Variants in DPY19L2 observed in about 807,000 individuals in gnomAD.
DPY19L2 encodes the protein dpy-19 like 2, also known as probable C-mannosyltransferase DPY19L2.
DPY19L2 carries 34 observed loss-of-function variants against 97.9 expected under a neutral mutation model. That is an observed-to-expected ratio of 0.35 (90% CI 0.26 to 0.46). The LOEUF (loss-of-function observed/expected upper bound fraction) is 0.46. DPY19L2 is among the 20% of genes least tolerant of loss of function. DPY19L2 has a pLI of 1.00. For missense variants in DPY19L2, 623 were observed against 911.4 expected, an observed-to-expected ratio of 0.68 and a Z score of 4.07; for synonymous variants, 230 against 307.9, an observed-to-expected ratio of 0.75 and a Z score of 2.65.
chr12:63,655,769 C>A (rs1262934871), intron 4 of DPY19L2, among the ~76,000 whole-genome samples: 1 of 152,048 alleles, frequency 6.6e-6, no homozygotes, highest in African/African-American at 2.4e-5. Context: ...ACGCCTTTCT[C>A]TAAGTGGCTC....
intron 16 of DPY19L2, among the ~76,000 whole-genome samples, chr12:63,584,855 T>C (rs1047228799): frequency 6.6e-5 from 10 of 152,236 alleles, no homozygotes; most frequent in Non-Finnish European, 1.3e-4. Context: ...TGCTAAGATC[T>C]ACGGTAAGAA....
intron 6 of DPY19L2, 58 bp downstream of exon 6, chr12:63,644,345 A>T: frequency 1.3e-6 from 2 of 1,553,426 alleles, no homozygotes. Context: ...TAATCAACAA[A>T]TATCAGCCAG....
chr12:63,595,425 G>C (rs971970877), intron 15 of DPY19L2, among the ~76,000 whole-genome samples: 11 of 152,046 alleles, frequency 7.2e-5, no homozygotes, highest in African/African-American at 2.7e-4. Context: ...TTTTCATTGA[G>C]ATGTTCTTTT....
chr12:63,602,339 G>A (rs1885323568), intron 12 of DPY19L2, among the ~76,000 whole-genome samples: 1 of 151,964 alleles, frequency 6.6e-6, no homozygotes, highest in Non-Finnish European at 1.5e-5. Flanking sequence ...TGAAGTAAAG[G>A]CACTAAAACA....
At chr12:63,606,073 T>C (rs1467254234) in intron 12 of DPY19L2, among the ~76,000 whole-genome samples, 1 of 152,178 alleles carries the variant, frequency 6.6e-6, no homozygotes, top group East Asian at 1.9e-4. Context: ...TTTAAAAAAA[T>C]ATGTTTTCTG....
chr12:63,625,052 T>C (rs1889300877), intron 7 of DPY19L2, among the ~76,000 whole-genome samples: 1 of 152,180 alleles, frequency 6.6e-6, no homozygotes, highest in South Asian at 2.1e-4. Flanking sequence ...TTTTTATGAT[T>C]CCTTTATCTA....
At chr12:63,633,867 G>T (rs549486472) in intron 6 of DPY19L2, among the ~76,000 whole-genome samples, 1 of 152,138 alleles carries the variant, frequency 6.6e-6, no homozygotes, top group South Asian at 2.1e-4. Flanking sequence ...TATACACCAT[G>T]GAATACTATG....
At chr12:63,575,392 A>G (rs1433581964) in intron 19 of DPY19L2, among the ~76,000 whole-genome samples, 2 of 151,868 alleles carry the variant, frequency 1.3e-5, no homozygotes, top group East Asian at 3.8e-4. Context: ...TAACAACTCA[A>G]TGATGCTTCT....
chr12:63,664,341 A>G (rs1810060), intron 2 of DPY19L2, among the ~76,000 whole-genome samples: 3 of 145,946 alleles, frequency 2.1e-5, no homozygotes, highest in South Asian at 4.3e-4. Flanking sequence ...TGTCTTAAAA[A>G]AAACAAACAA....
At chr12:63,566,239 C>A (rs939819064) in intron 21 of DPY19L2, among the ~76,000 whole-genome samples, 8 of 151,752 alleles carry the variant, frequency 5.3e-5, no homozygotes, top group Admixed American at 2.6e-4. Flanking sequence ...TTTAAAAAAA[C>A]TTTTTATTTC....
intron 4 of DPY19L2, among the ~76,000 whole-genome samples, chr12:63,648,134 C>G (rs1241475088): frequency 6.6e-6 from 1 of 152,146 alleles, no homozygotes; most frequent in Non-Finnish European, 1.5e-5. Flanking sequence ...TCAGAAGATG[C>G]AACATCAAGG....
chr12:63,576,457 GAGAA>G lies in DPY19L2; in HGVS notation c.1900+4201_1900+4204del, dbSNP rs527819362. On this transcript the variant is annotated intron_variant, in intron 19 of 21. Transcript: ENST00000324472. ...AATCCTAAATAGAGCAATCAGACAAGAGAAAGAAAGAAAGGGCATCCAAATTTGA... is the reference window on the plus strand; with the variant it reads ...AATCCTAAATAGAGCAATCAGACAAGAGAAAGAAAGGGCATCCAAATTTGA... 4.7e-3 allele frequency among the ~76,000 whole-genome samples: 708 copies of G among 151,764 alleles called. 11 individuals are homozygous for G. Among genetic ancestry groups the G allele is most frequent in the African/African-American group, 0.016 (672 of 41,410 alleles).
At chr12:63,653,597 T>G (rs1167225136) in intron 4 of DPY19L2, among the ~76,000 whole-genome samples, 3 of 151,752 alleles carry the variant, frequency 2.0e-5, no homozygotes, top group Admixed American at 6.6e-5. Context: ...GAAAAAGAAA[T>G]AATGACTGGA....
In DPY19L2 at chr12:63,661,422, C is replaced by T. The variant is rs1281870307; in HGVS notation, c.510G>A (p.Leu170=). 5 of 1,602,876 alleles carry T rather than the reference C, an allele frequency of 3.1e-6. No homozygotes were observed. Among genetic ancestry groups the T allele is most frequent in the African/African-American group, 1.3e-5 (1 of 74,288 alleles). ...IIEAPSFLEG[L]WMIMNDRLTE... ...TAAGCCTGTCATTCATAATCATCCA[C>T]AGTCCTTCCAAAAACGAAGGTGCTT... The change falls in exon 4 of 22, where the codon CTG becomes CTA. Residue 170 remains leucine (L), a synonymous_variant. Coordinates refer to ENST00000324472, the MANE Select transcript of DPY19L2 (RefSeq NM_173812.5).
chr12:63,662,374 A>G (rs1392834386), intron 3 of DPY19L2, among the ~76,000 whole-genome samples: 1 of 152,210 alleles, frequency 6.6e-6, no homozygotes, highest in African/African-American at 2.4e-5. Flanking sequence ...ATTACCTCAT[A>G]GTTGATTGGC....
intron 6 of DPY19L2, among the ~76,000 whole-genome samples, chr12:63,638,837 G>A (rs1318288065): frequency 6.6e-6 from 1 of 152,082 alleles, no homozygotes; most frequent in African/African-American, 2.4e-5. Flanking sequence ...TTTCTTCACA[G>A]AATTGGAAAA....
chr12:63,623,890 G>A (rs1431266109), intron 8 of DPY19L2, 150 bp downstream of exon 8: 1 of 533,098 alleles, frequency 1.9e-6, no homozygotes, highest in East Asian at 3.8e-5. Flanking sequence ...TTTTAGTAGA[G>A]ATGTGGTTTC....
At chr12:63,568,073 G>A (rs2659975) in intron 21 of DPY19L2, among the ~76,000 whole-genome samples, 3,498 of 151,684 alleles carry the variant, frequency 0.023, 90 homozygotes, top group African/African-American at 0.058. Context: ...ATATTTTTTC[G>A]GTAATGTTCT....
rs1592344929 is a variant in DPY19L2, at chr12:63,559,542, C to A, written c.*970G>T. 2 of 152,664 alleles carry A rather than the reference C, an allele frequency of 1.3e-5. No homozygotes were observed. Among genetic ancestry groups the A allele is most frequent in the Middle Eastern group, 6.8e-3 (2 of 294 alleles). The allele number at this position is 152,664 out of a possible 1,614,324, so 9.5% of individuals were successfully genotyped here. On this transcript the variant is annotated 3_prime_UTR_variant, in exon 22 of 22. Coordinates refer to ENST00000324472, the MANE Select transcript of DPY19L2 (RefSeq NM_173812.5). ...TTATTAGGGGAGAGGACTTAGAAAA[C>A]ATGACTTTCCTCACCCAAAACCAAA...
Sources: allele counts gnomAD v4.1 joint callset (sites outside exome capture counted in the v4.1 genomes callset), GRCh38; gene constraint gnomAD v4.1.1; transcripts MANE v1.5; gene names NCBI Gene and HGNC (gene_info 2026-07-23, HGNC 2026-07-21).